The following AGAP3 variants were observed in gnomAD, a reference collection of about 807,000 sequenced individuals.
AGAP3 encodes arf-GAP with GTPase, ANK repeat and PH domain-containing protein 3.
A neutral mutation model predicts 96.9 loss-of-function variants in AGAP3; 24 were observed. The ratio of observed to expected loss-of-function variants is 0.25; its 90% CI spans 0.18 to 0.35. AGAP3 has a LOEUF of 0.35. Among genes scored for constraint, AGAP3 ranks in the 10% least tolerant of loss-of-function variants. The pLI is 1.00. For synonymous variants in AGAP3, 563 were observed against 536.1 expected, an observed-to-expected ratio of 1.05 and a Z score of -0.69; for missense variants, 876 against 1,254.2, an observed-to-expected ratio of 0.70 and a Z score of 4.55.
intron 1 of AGAP3, among the ~76,000 whole-genome samples, chr7:151,087,764 G>A: frequency 6.6e-6 from 1 of 152,276 alleles, no homozygotes; most frequent in East Asian, 1.9e-4. Flanking sequence ...CGGAGTCGGG[G>A]ACCGGAAACC....
intron 8 of AGAP3, chr7:151,120,692 G>A (rs780973747): frequency 4.0e-6 from 5 of 1,243,656 alleles, no homozygotes; most frequent in Non-Finnish European, 5.2e-6. Context: ...GTTTAACAAA[G>A]GCTTAGCCAT....
At chr7:151,095,340 A>G (rs1798558582) in intron 1 of AGAP3, among the ~76,000 whole-genome samples, 1 of 152,182 alleles carries the variant, frequency 6.6e-6, no homozygotes, top group African/African-American at 2.4e-5. Flanking sequence ...TGCCCGCTCC[A>G]TACCGTAGCC....
intron 1 of AGAP3, chr7:151,115,574 C>G (rs1440238726): frequency 6.1e-6 from 7 of 1,147,306 alleles, no homozygotes; most frequent in Non-Finnish European, 7.5e-6. Context: ...GGAGGGAGCC[C>G]GCGCCCGCCG....
intron 1 of AGAP3, among the ~76,000 whole-genome samples, chr7:151,107,522 G>A (rs546506643): frequency 6.6e-6 from 1 of 152,082 alleles, no homozygotes; most frequent in East Asian, 1.9e-4. Flanking sequence ...TACTTAGGAG[G>A]CTGAGGCGGG....
At chr7:151,125,187 G>A (rs1032194264) in intron 9 of AGAP3, among the ~76,000 whole-genome samples, 72 of 152,230 alleles carry the variant, frequency 4.7e-4, no homozygotes, top group African/African-American at 1.7e-3. Flanking sequence ...CTTGGAGATG[G>A]GGAGTGCAAG....
intron 1 of AGAP3, among the ~76,000 whole-genome samples, chr7:151,092,255 C>T (rs899356369): frequency 7.2e-5 from 11 of 152,124 alleles, no homozygotes; most frequent in Non-Finnish European, 7.4e-5. Flanking sequence ...GAACGAGGTA[C>T]GCTTCTTGGA....
chr7:151,126,444 G>A (rs866561758), intron 9 of AGAP3, among the ~76,000 whole-genome samples: 5 of 150,522 alleles, frequency 3.3e-5, no homozygotes, highest in African/African-American at 1.2e-4. Context: ...GGCTGGGAGA[G>A]GCTGGGAGAG....
intron 11 of AGAP3, among the ~76,000 whole-genome samples, chr7:151,136,896 C>T (rs1474542118): frequency 2.0e-5 from 3 of 152,112 alleles, no homozygotes; most frequent in Non-Finnish European, 2.9e-5. Context: ...GGGCAGAGGA[C>T]GGGAGGTGGG....
chr7:151,117,218 G>A (rs374208050), intron 3 of AGAP3, 36 bp downstream of exon 3: 53 of 1,603,866 alleles, frequency 3.3e-5, no homozygotes, highest in South Asian at 2.8e-4. Flanking sequence ...CCCTGAGGCC[G>A]GCCACTCCTC....
At chr7:151,093,663 G>A (rs1330361523) in intron 1 of AGAP3, among the ~76,000 whole-genome samples, 3 of 152,162 alleles carry the variant, frequency 2.0e-5, no homozygotes, top group Non-Finnish European at 2.9e-5. Context: ...CGCAGCAAAC[G>A]TGGGATTGTT....
intron 10 of AGAP3, among the ~76,000 whole-genome samples, chr7:151,131,780 C>T (rs1800413632): frequency 6.6e-6 from 1 of 152,220 alleles, no homozygotes; most frequent in Admixed American, 6.5e-5. Flanking sequence ...TGCAACTCTT[C>T]TTCTTGGCAT....
intron 1 of AGAP3, chr7:151,115,490 G>T: frequency 9.8e-7 from 1 of 1,017,512 alleles, no homozygotes; most frequent in Non-Finnish European, 1.2e-6. Flanking sequence ...CCGACGCCCC[G>T]CGCGCAGCGC....
At position 151,119,058 on chromosome 7, in the gene AGAP3, C is replaced by T. The variant is rs1563479285; in HGVS notation, c.969+426C>T. On this transcript the variant is annotated intron_variant, in intron 7 of 17. Coordinates refer to ENST00000397238, the MANE Select transcript of AGAP3 (RefSeq NM_031946.7). ...ACAGCCTGGTTGCATTTCAGAGACC[C>T]TTCCCTTCAGGGCTGTGAGAAGGCG... 8 of 221,464 alleles carry T rather than the reference C, an allele frequency of 3.6e-5. No individual in the cohort carries two copies. In the South Asian group the frequency reaches 7.0e-4, roughly 19 times the overall value. 13.7% of individuals were successfully genotyped at this position (221,464 alleles called of 1,614,324 possible).
At chr7:151,117,839 G>A in intron 5 of AGAP3, 62 bp downstream of exon 5, 1 of 1,527,484 alleles carries the variant, frequency 6.5e-7, no homozygotes, top group African/African-American at 1.4e-5. Context: ...GATGCATGGG[G>A]GCAGGGGTGG....
intron 1 of AGAP3, 170 bp from the exon 2 acceptor site, chr7:151,116,623 C>G: frequency 2.9e-6 from 2 of 696,922 alleles, no homozygotes; most frequent in Non-Finnish European, 5.1e-6. Context: ...CAAGAAGAAC[C>G]TTCCCACTGC....
chr7:151,125,326 C>T (rs1800110116), intron 9 of AGAP3, among the ~76,000 whole-genome samples: 2 of 152,218 alleles, frequency 1.3e-5, no homozygotes, highest in Admixed American at 6.5e-5. Context: ...CTTATTTGTT[C>T]CCTGAATCCC....
intron 10 of AGAP3, among the ~76,000 whole-genome samples, chr7:151,129,821 G>A (rs1800334831): frequency 6.6e-6 from 1 of 152,162 alleles, no homozygotes; most frequent in Non-Finnish European, 1.5e-5. Context: ...GGAGGCCAAA[G>A]GGCGCTCTGC....
At chr7:151,092,105 G>T (rs1798421497) in intron 1 of AGAP3, among the ~76,000 whole-genome samples, 1 of 152,184 alleles carries the variant, frequency 6.6e-6, no homozygotes, top group Admixed American at 6.5e-5. Context: ...GCAGGAGTTG[G>T]TGCGTCATTC....
intron 11 of AGAP3, among the ~76,000 whole-genome samples, 195 bp downstream of exon 11, chr7:151,134,763 G>A (rs1800529820): frequency 6.6e-6 from 1 of 152,244 alleles, no homozygotes; most frequent in Non-Finnish European, 1.5e-5. Context: ...CAAATGCCTA[G>A]ACGAGCAGTT....
Sources: allele counts gnomAD v4.1 joint callset (sites outside exome capture counted in the v4.1 genomes callset), GRCh38; gene constraint gnomAD v4.1.1; transcripts MANE v1.5; gene names NCBI Gene and HGNC (gene_info 2026-07-23, HGNC 2026-07-21).